Variants in SRRM4 observed in about 807,000 individuals in gnomAD.
SRRM4 encodes serine/arginine repetitive matrix protein 4.
In SRRM4, 33 loss-of-function variants were observed where a neutral mutation model predicts 68.9. That is an observed-to-expected ratio of 0.48 (90% CI 0.36 to 0.64). The LOEUF is 0.64. Ranked by LOEUF, SRRM4 falls within the 30% of genes least tolerant of loss-of-function variation. The pLI, the probability that SRRM4 is intolerant of heterozygous loss-of-function variation, is 0.00. For missense variants in SRRM4, 817 were observed against 827.1 expected, an observed-to-expected ratio of 0.99 and a Z score of 0.15; for synonymous variants, 318 against 318.8, an observed-to-expected ratio of 1.00 and a Z score of 0.03.
intron 1 of SRRM4, among the ~76,000 whole-genome samples, chr12:119,002,228 A>G (rs978319162): frequency 5.9e-5 from 9 of 152,160 alleles, no homozygotes; most frequent in Admixed American, 5.9e-4. Context: ...AGAAGCAAAA[A>G]AAAAAAAATT....
At chr12:119,010,176 C>T (rs1024994531) in intron 1 of SRRM4, among the ~76,000 whole-genome samples, 3 of 152,188 alleles carry the variant, frequency 2.0e-5, no homozygotes, top group Non-Finnish European at 4.4e-5. Context: ...CCTCAGCCTC[C>T]TGAGTAGCCG....
chr12:119,016,450 TA>T (rs1173462653), intron 1 of SRRM4, among the ~76,000 whole-genome samples: 2 of 146,662 alleles, frequency 1.4e-5, no homozygotes, highest in Non-Finnish European at 3.0e-5. Flanking sequence ...CAATACGATG[TA>T]ATTAAAAAAA....
intron 4 of SRRM4, among the ~76,000 whole-genome samples, chr12:119,119,252 T>A (rs1954202544): frequency 1.3e-5 from 2 of 151,920 alleles, no homozygotes; most frequent in South Asian, 2.1e-4. Context: ...AAAATTAAAA[T>A]TTTTAAAAAA....
intron 2 of SRRM4, 110 bp downstream of exon 2, chr12:119,102,492 AGGGTTAGTAAATATTTACCGTAGAG>A (rs1954083430): frequency 1.2e-6 from 1 of 821,162 alleles, no homozygotes; most frequent in Admixed American, 3.0e-5. Flanking sequence ...CCTTAAATCA[AGGGTTAGTAAATATTTACCGTAGAG>A]GAACAAATCA....
At chr12:119,116,902 C>T (rs775051235) in intron 3 of SRRM4, 35 bp from the exon 4 acceptor site, 3 of 1,605,412 alleles carry the variant, frequency 1.9e-6, no homozygotes, top group Non-Finnish European at 2.6e-6. Context: ...CCTTTAAGAG[C>T]CTCCTTCTGA....
intron 8 of SRRM4, among the ~76,000 whole-genome samples, chr12:119,144,352 G>A (rs1954387266): frequency 6.6e-6 from 1 of 152,092 alleles, no homozygotes; most frequent in South Asian, 2.1e-4. Flanking sequence ...TCCCCTTTAT[G>A]ACAAAACCAA....
At chr12:119,155,633 C>A (rs1312130056) in intron 12 of SRRM4, among the ~76,000 whole-genome samples, 1 of 152,160 alleles carries the variant, frequency 6.6e-6, no homozygotes, top group Non-Finnish European at 1.5e-5. Context: ...ACTTGGGAGG[C>A]TGAGGTGGGA....
intron 11 of SRRM4, 33 bp downstream of exon 11, chr12:119,153,682 C>A: frequency 6.8e-7 from 1 of 1,468,620 alleles, no homozygotes; most frequent in Non-Finnish European, 9.3e-7. Context: ...TAGGCCCGTC[C>A]TAGGCCCCAC....
At chr12:119,148,079 T>A (rs1954415715) in intron 9 of SRRM4, among the ~76,000 whole-genome samples, 1 of 152,228 alleles carries the variant, frequency 6.6e-6, no homozygotes, top group African/African-American at 2.4e-5. Context: ...GCTTTGCTGG[T>A]GCCCTCTGTC....
rs375418674 is a variant in SRRM4 at position 119,136,470 on chromosome 12, G to GTTTGTTTTGTTTTGTTTTGTTTTGT, written c.771+5639_771+5663dup. On this transcript the variant is annotated intron_variant, in intron 8 of 12. Coordinates refer to ENST00000267260, the MANE Select transcript of SRRM4 (RefSeq NM_194286.4). ...GGGATTTTCTGGGCCATTGGTTTTT[G>GTTTGTTTTGTTTTGTTTTGTTTTGT]TTTGTTTTGTTTTGTTTTGTTTTGT... 2.1e-3 allele frequency among the ~76,000 whole-genome samples: 313 copies of GTTTGTTTTGTTTTGTTTTGTTTTGT among 152,016 alleles called. 1 individual carries two copies. Among genetic ancestry groups the GTTTGTTTTGTTTTGTTTTGTTTTGT allele is most frequent in the African/African-American group, 6.1e-3 (252 of 41,386 alleles).
chr12:119,096,695 G>A (rs143877435), intron 1 of SRRM4, among the ~76,000 whole-genome samples: 1 of 152,302 alleles, frequency 6.6e-6, no homozygotes, highest in Non-Finnish European at 1.5e-5. Context: ...AGCTGGATCT[G>A]GGGTTCTTCC....
intron 10 of SRRM4, 123 bp downstream of exon 10, chr12:119,151,343 GC>G: frequency 1.1e-6 from 1 of 896,388 alleles, no homozygotes; most frequent in Non-Finnish European, 1.8e-6. Context: ...TACTCGTTTT[GC>G]CCATTTCGAG....
chr12:119,038,803 C>T (rs989458601), intron 1 of SRRM4, among the ~76,000 whole-genome samples: 7 of 152,144 alleles, frequency 4.6e-5, no homozygotes, highest in East Asian at 3.9e-4. Context: ...CAGTTAGATC[C>T]GACGTGTTAT....
chr12:118,998,330 T>G (rs1953362691), intron 1 of SRRM4, among the ~76,000 whole-genome samples: 1 of 136,670 alleles, frequency 7.3e-6, no homozygotes, highest in African/African-American at 2.7e-5. Context: ...TCTAACCAAT[T>G]GGTAGTTGTG....
At chr12:119,083,270 C>T (rs1356985380) in intron 1 of SRRM4, among the ~76,000 whole-genome samples, 9 of 151,994 alleles carry the variant, frequency 5.9e-5, no homozygotes, top group African/African-American at 1.2e-4. Flanking sequence ...GAGTGTACTC[C>T]GGTCATGGAG....
intron 1 of SRRM4, among the ~76,000 whole-genome samples, chr12:119,094,364 G>T (rs1954030626): frequency 6.6e-6 from 1 of 152,088 alleles, no homozygotes; most frequent in Non-Finnish European, 1.5e-5. Context: ...AGAAACTCAG[G>T]CCCTCCCCCA....
intron 1 of SRRM4, among the ~76,000 whole-genome samples, chr12:119,037,670 T>TTA (rs933224085): frequency 5.8e-4 from 89 of 152,244 alleles, no homozygotes; most frequent in African/African-American, 2.1e-3. Context: ...GACAGCTGGC[T>TTA]TATATATATG....
intron 1 of SRRM4, among the ~76,000 whole-genome samples, chr12:119,101,925 C>T (rs996400643): frequency 4.6e-5 from 7 of 152,146 alleles, no homozygotes; most frequent in African/African-American, 1.7e-4. Flanking sequence ...AGTTATTTCT[C>T]TCTTGCAAAG....
intron 9 of SRRM4, among the ~76,000 whole-genome samples, chr12:119,146,866 G>A (rs1954405690): frequency 6.6e-6 from 1 of 151,856 alleles, no homozygotes. Flanking sequence ...AACCTGGGAG[G>A]TGGAGCTTGC....
Sources: gnomAD v4.1 joint callset for allele counts (sites outside exome capture counted in the v4.1 genomes callset) on GRCh38, gnomAD v4.1.1 for gene constraint, MANE v1.5 for transcripts, NCBI Gene and HGNC (gene_info 2026-07-23, HGNC 2026-07-21) for gene names.